The following GPR37 variants were observed in gnomAD, a reference collection of about 807,000 sequenced individuals.
GPR37 encodes the protein G protein-coupled receptor 37, also known as prosaposin receptor GPR37.
Under a neutral mutation model 43.6 loss-of-function variants are expected in GPR37, and 20 were observed. The ratio of observed to expected loss-of-function variants is 0.46; its 90% CI spans 0.32 to 0.67. The LOEUF (loss-of-function observed/expected upper bound fraction) is 0.67. GPR37 is among the 30% of genes least tolerant of loss of function. The probability of loss-of-function intolerance (pLI) is 0.03; values close to 1 mark genes in which losing one functional copy is unlikely to be tolerated. For synonymous variants in GPR37, 315 were observed against 322.6 expected (o/e 0.98, Z 0.25); for missense variants, 724 against 797.2 (o/e 0.91, Z 1.11).
Position 124,744,586 on chromosome 7 carries a change from C to T in GPR37, c.*1939G>A, listed in dbSNP as rs1035513674. ...CCACTCATCCAGTTATCTCATAAAG[C>T]CTTTCATGCTCTCTTCTAACCCTAT... On this transcript the variant is annotated 3_prime_UTR_variant, in exon 2 of 2. Transcript: ENST00000303921. 1.3e-5 allele frequency: 2 copies of T among 152,200 alleles called. No homozygotes were observed. Among genetic ancestry groups the T allele is most frequent in the Non-Finnish European group, 2.9e-5 (2 of 68,056 alleles). 9.4% of individuals were successfully genotyped at this position (152,200 alleles called of 1,614,324 possible).
chr7:124,756,393 A>G (rs929116381), intron 1 of GPR37, among the ~76,000 whole-genome samples: 3 of 152,180 alleles, frequency 2.0e-5, no homozygotes, highest in East Asian at 1.9e-4. Context: ...AACTATTACA[A>G]ATTCACAAAT....
chr7:124,749,435 G>C (rs1793708693), intron 1 of GPR37, among the ~76,000 whole-genome samples: 1 of 152,018 alleles, frequency 6.6e-6, no homozygotes, highest in African/African-American at 2.4e-5. Context: ...TAAGTATAAT[G>C]TTAATATCTC....
At position 124,744,648 on chromosome 7, in the gene GPR37, A is replaced by G. The variant is rs1466856726; in HGVS notation, c.*1877T>C. 1 of 152,136 alleles carries G rather than the reference A, an allele frequency of 6.6e-6. No homozygotes were observed. Among genetic ancestry groups the G allele is most frequent in the East Asian group, 1.9e-4 (1 of 5,178 alleles). The allele number at this position is 152,136 out of a possible 1,614,324, so 9.4% of individuals were successfully genotyped here. ...CTATTCCAAAGTATCGCAGAACTTC[A>G]CATCTTCCTGAGGCACCTAACAAGC... On this transcript the variant is annotated 3_prime_UTR_variant, in exon 2 of 2. Transcript: ENST00000303921.
chr7:124,747,084 G>C lies in GPR37; in HGVS notation c.1283C>G (p.Pro428Arg). The change falls in exon 2 of 2, where the codon CCA becomes CGA. Residue 428 changes from proline (P) to arginine (R), a missense_variant. Pro to Arg is a moderately radical substitution (Grantham distance 103). Coordinates refer to ENST00000303921, the MANE Select transcript of GPR37 (RefSeq NM_005302.5). ...RCIIKISPDL[P>R]DTIYVLALTY... ...GAGGGCTAGAACATAGATGGTGTCT[G>C]GTAAATCAGGAGAGATCTTAATAAT... 6.2e-7 allele frequency: 1 copy of C among 1,613,952 alleles called. No homozygotes were observed. The highest frequency in any genetic ancestry group is 8.5e-7 in the Non-Finnish European group (1 of 1,179,902).
In GPR37 at chr7:124,765,080, C is replaced by T. The variant is rs1584728735; in HGVS notation, c.-104G>A. The T allele has an allele frequency of 1.3e-5, 14 of 1,107,886 alleles. No individual in the cohort carries two copies. In the East Asian group the frequency reaches 4.2e-4, roughly 33 times the overall value. The allele number at this position is 1,107,886 out of a possible 1,614,324, so 68.6% of individuals were successfully genotyped here. A position where few individuals can be genotyped will look rare whatever the true frequency, so the allele number is the denominator to read the frequency against. On this transcript the variant is annotated 5_prime_UTR_variant, in exon 1 of 2. Transcript: ENST00000303921. The stretch of plus-strand genomic sequence containing the variant: ...AGTTAGGCACATGTCACATACTCAC[C>T]CCCGCCCGGGTAGCGGGGAACCGGA...
At position 124,745,609 on chromosome 7, in the gene GPR37, T is replaced by C. The variant is rs1793662165; in HGVS notation, c.*916A>G. 6.6e-6 allele frequency among the ~76,000 whole-genome samples: 1 copy of C among 152,152 alleles called. No individual in the cohort carries two copies. The highest frequency in any genetic ancestry group is 6.6e-5 in the Admixed American group (1 of 15,262). On this transcript the variant is annotated 3_prime_UTR_variant, in exon 2 of 2. Coordinates refer to ENST00000303921, the MANE Select transcript of GPR37 (RefSeq NM_005302.5). ...GGAGAAAAATTAGAACTCAGAGTGC[T>C]TTACGTAGGATTCACAAAGCTTCAA...
chr7:124,749,429 TATA>T (rs1793708636), intron 1 of GPR37, among the ~76,000 whole-genome samples: 1 of 152,204 alleles, frequency 6.6e-6, no homozygotes, highest in African/African-American at 2.4e-5. Flanking sequence ...GAAATGTAAG[TATA>T]ATGTTAATAT....
chr7:124,764,215 C>T lies in GPR37; in HGVS notation c.762G>A (p.Leu254=). Residue 254 remains leucine (L), a synonymous_variant, in exon 1 of 2, where the codon CTG becomes CTA. Coordinates refer to ENST00000303921, the MANE Select transcript of GPR37 (RefSeq NM_005302.5). The surrounding 1 kb of genome is among the most constrained non-coding windows in gnomAD (Gnocchi z 5.4). ...RVRLKNPFYP[L]TQESYGAYAV... is the part of the protein sequence containing the mutation. ...CGTAGGCTCCATAGGACTCCTGGGT[C>T]AGCGGGTAGAAGGGGTTCTTCAGTC... 6.3e-7 allele frequency: 1 copy of T among 1,593,910 alleles called. No homozygotes were observed. The highest frequency in any genetic ancestry group is 8.5e-7 in the Non-Finnish European group (1 of 1,169,968).
At position 124,765,274 on chromosome 7, in the gene GPR37, T is replaced by C. The variant is rs944654329; in HGVS notation, c.-298A>G. 2 of 350,632 alleles carry C rather than the reference T, an allele frequency of 5.7e-6. No homozygotes were observed. The highest frequency in any genetic ancestry group is 5.1e-6 in the Non-Finnish European group (1 of 195,338). 21.7% of individuals were successfully genotyped at this position (350,632 alleles called of 1,614,324 possible). On this transcript the variant is annotated 5_prime_UTR_variant, in exon 1 of 2. Coordinates refer to ENST00000303921, the MANE Select transcript of GPR37 (RefSeq NM_005302.5). ...ACTCCCGGTGGCTGACCTTGAAAAG[T>C]TGCAATCAACACCTGACTGTTGATT... is the stretch of plus-strand genomic sequence containing the variant.
chr7:124,763,643 C>A (rs1429324281), intron 1 of GPR37, among the ~76,000 whole-genome samples: 1 of 151,358 alleles, frequency 6.6e-6, no homozygotes, highest in African/African-American at 2.4e-5. Flanking sequence ...AAATCTCTGA[C>A]AAGTGCCAAA....
At position 124,746,803 on chromosome 7, in the gene GPR37, C is replaced by T. The variant is rs1793676626; in HGVS notation, c.1564G>A (p.Val522Ile). ...NIVTAYMATG[V>I]SQQTMDLLNI... is the part of the protein sequence containing the mutation. ...AGGAGGTCCATTGTCTGCTGTGAAACCCCTGTAGCCATGTAGGCAGTAACA... is the reference window on the plus strand; with the variant it reads ...AGGAGGTCCATTGTCTGCTGTGAAATCCCTGTAGCCATGTAGGCAGTAACA... Residue 522 changes from valine (V) to isoleucine (I), a missense_variant, in exon 2 of 2, where the codon GTT becomes ATT. Transcript: ENST00000303921. 1 of 1,614,034 alleles carries T rather than the reference C, an allele frequency of 6.2e-7. No individual in the cohort carries two copies. Among genetic ancestry groups the T allele is most frequent in the South Asian group, 1.1e-5 (1 of 91,084 alleles).
Position 124,744,330 on chromosome 7 carries a change from C to A in GPR37, c.*2195G>T, listed in dbSNP as rs1793644425. The stretch of plus-strand genomic sequence containing the variant: ...AAGCAAAGCCCCATTTCCTGAAGCA[C>A]CACCATGTAAACATCTTTCAAAACA... On this transcript the variant is annotated 3_prime_UTR_variant, in exon 2 of 2. Transcript: ENST00000303921. The A allele has an allele frequency of 6.6e-6, 1 of 152,110 alleles. No homozygotes were observed. The highest frequency in any genetic ancestry group is 1.5e-5 in the Non-Finnish European group (1 of 68,022). The allele number at this position is 152,110 out of a possible 1,614,324, so 9.4% of individuals were successfully genotyped here. A position where few individuals can be genotyped will look rare whatever the true frequency, so the allele number is the denominator to read the frequency against.
chr7:124,764,187 C>T lies in GPR37; in HGVS notation c.790G>A (p.Val264Ile). The change falls in exon 1 of 2, where the codon GTC becomes ATC. Residue 264 changes from valine (V) to isoleucine (I), a missense_variant. Transcript: ENST00000303921. The surrounding 1 kb of genome is among the most constrained non-coding windows in gnomAD (Gnocchi z 5.4). ...AAGATCACCACGGACAGACACATGA[C>T]CGCGTAGGCTCCATAGGACTCCTGG... The part of the protein sequence containing the change: ...LTQESYGAYA[V>I]MCLSVVIFGT... The T allele has an allele frequency of 1.3e-6, 2 of 1,594,986 alleles. No individual in the cohort carries two copies. Among genetic ancestry groups the T allele is most frequent in the South Asian group, 2.3e-5 (2 of 87,064 alleles).
chr7:124,752,496 G>A lies in GPR37; in HGVS notation c.1024-5153C>T, dbSNP rs966197765. Among the ~76,000 whole-genome samples the A allele has an allele frequency of 9.2e-5, 14 of 152,236 alleles. 1 individual carries two copies. Among genetic ancestry groups the A allele is most frequent in the African/African-American group, 3.4e-4 (14 of 41,552 alleles). Reference sequence around the variant, plus strand: ...TCATTACAGTCTACTAGGCAGAGAGGATTGACTAACAGTTTCTGGCATGCT... The same window carrying A: ...TCATTACAGTCTACTAGGCAGAGAGAATTGACTAACAGTTTCTGGCATGCT... On this transcript the variant is annotated intron_variant, in intron 1 of 1. Coordinates refer to ENST00000303921, the MANE Select transcript of GPR37 (RefSeq NM_005302.5).
intron 1 of GPR37, among the ~76,000 whole-genome samples, chr7:124,763,567 G>T (rs941810374): frequency 1.5e-4 from 22 of 147,294 alleles, no homozygotes; most frequent in African/African-American, 3.0e-4. Flanking sequence ...AAATGCTAAT[G>T]TTTTTTTTTT....
intron 1 of GPR37, among the ~76,000 whole-genome samples, chr7:124,757,618 C>G (rs1159679830): frequency 6.6e-6 from 1 of 152,142 alleles, no homozygotes; most frequent in Non-Finnish European, 1.5e-5. Flanking sequence ...CCTTTAATTT[C>G]TCCATCTCTG....
intron 1 of GPR37, among the ~76,000 whole-genome samples, chr7:124,753,070 T>A (rs1226419373): frequency 1.3e-5 from 2 of 152,060 alleles, no homozygotes; most frequent in South Asian, 4.1e-4. Context: ...ATTAAATAAA[T>A]CATTTAAAGT....
intron 1 of GPR37, 128 bp from the exon 2 acceptor site, chr7:124,747,471 A>AG: frequency 1.6e-6 from 1 of 632,272 alleles, no homozygotes; most frequent in Non-Finnish European, 2.7e-6. Context: ...AGAGAGAGAG[A>AG]ACAGTTTTCC....
At chr7:124,762,434 T>C (rs1315558315) in intron 1 of GPR37, among the ~76,000 whole-genome samples, 2 of 151,710 alleles carry the variant, frequency 1.3e-5, no homozygotes, top group East Asian at 3.9e-4. Flanking sequence ...ACCTCTCTTG[T>C]CCGCTTTATA....
Sources: allele counts gnomAD v4.1 joint callset (sites outside exome capture counted in the v4.1 genomes callset), GRCh38; gene constraint gnomAD v4.1.1; non-coding constraint Gnocchi (gnomAD v3.1); transcripts MANE v1.5; gene names NCBI Gene and HGNC (gene_info 2026-07-23, HGNC 2026-07-21).